The following VPS37A variants were observed in gnomAD, a reference collection of about 807,000 sequenced individuals.
VPS37A encodes the protein vacuolar protein sorting-associated protein 37A.
VPS37A carries 30 observed loss-of-function variants against 49.8 expected under a neutral mutation model. The ratio of observed to expected loss-of-function variants is 0.60; its 90% confidence interval spans 0.45 to 0.82. The LOEUF (loss-of-function observed/expected upper bound fraction) is 0.82. Among genes scored for constraint, VPS37A ranks in the 40% least tolerant of loss-of-function variants. VPS37A has a pLI of 0.00. For synonymous variants in VPS37A, 195 were observed against 160.6 expected (o/e 1.21, Z -1.62); for missense variants, 593 against 464.4 (o/e 1.28, Z -2.55).
At chr8:17,331,802 C>G in the VPS37A span, among the ~76,000 whole-genome samples, 1 of 152,160 alleles carries the variant, frequency 6.6e-6, no homozygotes, top group Admixed American at 6.5e-5. Context: ...AAACCTTGAG[C>G]AGGAATTACT....
chr8:17,275,291 T>A (rs1358526212), intron 5 of VPS37A, among the ~76,000 whole-genome samples: 1 of 152,150 alleles, frequency 6.6e-6, no homozygotes, highest in African/African-American at 2.4e-5. Context: ...GCCTCAAATA[T>A]ACTGATGAAT....
chr8:17,274,431 C>T (rs977600031), intron 4 of VPS37A, among the ~76,000 whole-genome samples: 4 of 152,130 alleles, frequency 2.6e-5, no homozygotes, highest in South Asian at 2.1e-4. Context: ...GTGCTGAAAA[C>T]TCAAAAATGG....
intron 9 of VPS37A, among the ~76,000 whole-genome samples, chr8:17,281,020 A>G (rs927481534): frequency 3.9e-5 from 6 of 151,966 alleles, no homozygotes; most frequent in African/African-American, 1.4e-4. Flanking sequence ...AAAATTAGGA[A>G]CTTTGGGTAA....
downstream of VPS37A, chr8:17,304,669 T>A (rs1817334321): frequency 1.3e-6 from 1 of 749,496 alleles, no homozygotes; most frequent in Non-Finnish European, 2.2e-6. Context: ...CTTGGTGACT[T>A]CATGGTATAG....
chr8:17,329,530 C>T, the VPS37A span, among the ~76,000 whole-genome samples: 1 of 152,238 alleles, frequency 6.6e-6, no homozygotes, highest in East Asian at 1.9e-4. Flanking sequence ...CCAAAGATTA[C>T]CCATTTAAAA....
chr8:17,292,859 C>G (rs1816277121), intron 11 of VPS37A, among the ~76,000 whole-genome samples: 1 of 152,216 alleles, frequency 6.6e-6, no homozygotes, highest in African/African-American at 2.4e-5. Context: ...TGTGGGTAAC[C>G]CAACCTTTTT....
chr8:17,269,745 T>C (rs1295395667), intron 4 of VPS37A, among the ~76,000 whole-genome samples: 1 of 152,222 alleles, frequency 6.6e-6, no homozygotes, highest in Non-Finnish European at 1.5e-5. Flanking sequence ...TTTCTTAGAT[T>C]TCATTTTTCC....
chr8:17,271,562 C>T (rs1243955216), intron 4 of VPS37A, among the ~76,000 whole-genome samples: 3 of 151,996 alleles, frequency 2.0e-5, no homozygotes, highest in East Asian at 1.9e-4. Flanking sequence ...GCCGAGATCA[C>T]GCCACTGCAT....
chr8:17,297,674 T>G lies in VPS37A; in HGVS notation c.*2688T>G, dbSNP rs1333761067. On this transcript the variant is annotated 3_prime_UTR_variant, in exon 12 of 12. Coordinates refer to ENST00000324849, the MANE Select transcript of VPS37A (RefSeq NM_152415.3). ...GATTATTCCCTATGCTTTAAACCACTGCTCTCAATAAAACACTTCCTGATT... is the reference window on the plus strand; with the variant it reads ...GATTATTCCCTATGCTTTAAACCACGGCTCTCAATAAAACACTTCCTGATT... The G allele has an allele frequency of 6.6e-6, 1 of 152,116 alleles. No homozygotes were observed. The highest frequency in any genetic ancestry group is 1.5e-5 in the Non-Finnish European group (1 of 67,948). The allele number at this position is 152,116 out of a possible 1,614,324, so 9.4% of individuals were successfully genotyped here.
chr8:17,283,411 C>G (rs1051773551), intron 9 of VPS37A, among the ~76,000 whole-genome samples: 5 of 152,182 alleles, frequency 3.3e-5, no homozygotes, highest in Admixed American at 3.3e-4. Context: ...TTGCCTCAGG[C>G]TCCCACAGTG....
At chr8:17,282,118 A>C (rs1007339721) in intron 9 of VPS37A, among the ~76,000 whole-genome samples, 4 of 151,962 alleles carry the variant, frequency 2.6e-5, no homozygotes, top group Non-Finnish European at 5.9e-5. Flanking sequence ...AATGAAAAAA[A>C]CTCCCTTTCC....
At chr8:17,308,997 C>G in the VPS37A span, among the ~76,000 whole-genome samples, 1 of 152,200 alleles carries the variant, frequency 6.6e-6, no homozygotes, top group African/African-American at 2.4e-5. Context: ...ATGCAAATGG[C>G]AGGAGGAAGG....
intron 10 of VPS37A, among the ~76,000 whole-genome samples, chr8:17,285,603 G>A (rs547496635): frequency 6.6e-6 from 1 of 152,112 alleles, no homozygotes; most frequent in Non-Finnish European, 1.5e-5. Context: ...ACACACTCCT[G>A]TTAAGGCAGA....
At chr8:17,283,292 G>T (rs1815266912) in intron 9 of VPS37A, among the ~76,000 whole-genome samples, 1 of 151,770 alleles carries the variant, frequency 6.6e-6, no homozygotes, top group Non-Finnish European at 1.5e-5. Flanking sequence ...AGTAGCCAAG[G>T]CTACAGGTGC....
chr8:17,326,457 T>C, the VPS37A span: 2 of 152,016 alleles, frequency 1.3e-5, no homozygotes, highest in Non-Finnish European at 2.9e-5. Context: ...ATAATGATCC[T>C]TGTGGTCACA....
the VPS37A span, among the ~76,000 whole-genome samples, chr8:17,325,732 T>C: frequency 6.6e-6 from 1 of 152,084 alleles, no homozygotes; most frequent in East Asian, 1.9e-4. Context: ...GAACGTGCGC[T>C]GATTGCACAC....
downstream of VPS37A, chr8:17,306,007 T>C: frequency 6.8e-7 from 1 of 1,465,968 alleles, no homozygotes; most frequent in Non-Finnish European, 9.4e-7. Flanking sequence ...ATTTTTAAAG[T>C]ACAAAGCCAT....
intron 1 of VPS37A, among the ~76,000 whole-genome samples, chr8:17,249,711 G>A (rs1257543924): frequency 6.6e-6 from 1 of 152,192 alleles, no homozygotes; most frequent in African/African-American, 2.4e-5. Flanking sequence ...GATGGAAAAG[G>A]TGTGATATTT....
chr8:17,306,029 C>T (rs979369963), downstream of VPS37A: 11 of 1,306,344 alleles, frequency 8.4e-6, no homozygotes, highest in Admixed American at 1.1e-4. Flanking sequence ...AATGCAAAAA[C>T]AACCATAAAA....
Sources: gnomAD v4.1 joint callset for allele counts (sites outside exome capture counted in the v4.1 genomes callset) on GRCh38, gnomAD v4.1.1 for gene constraint, MANE v1.5 for transcripts, NCBI Gene and HGNC (gene_info 2026-07-23, HGNC 2026-07-21) for gene names.